Variants in MIPOL1 observed in about 807,000 individuals in gnomAD.
MIPOL1 encodes the protein mirror-image polydactyly gene 1 protein.
In MIPOL1, 57 loss-of-function variants were observed where a neutral mutation model predicts 60.9. The ratio of observed to expected loss-of-function variants is 0.94; its 90% CI spans 0.76 to 1.17. The LOEUF is 1.17. Ranked by LOEUF, MIPOL1 falls within the 50% of genes most tolerant of loss-of-function variation. MIPOL1 has a pLI of 0.00. For missense variants in MIPOL1, 551 were observed against 511.6 expected, an observed-to-expected ratio of 1.08 and a Z score of -0.74; for synonymous variants, 179 against 168.8, an observed-to-expected ratio of 1.06 and a Z score of -0.47.
At chr14:37,394,469 G>T (rs1355968678) in intron 10 of MIPOL1, among the ~76,000 whole-genome samples, 8 of 151,992 alleles carry the variant, frequency 5.3e-5, no homozygotes, top group African/African-American at 1.7e-4. Flanking sequence ...GCAGGAGTCA[G>T]GTGGTATTGC....
At chr14:37,385,685 A>C (rs966346769) in intron 10 of MIPOL1, 15 of 152,090 alleles carry the variant, frequency 9.9e-5, no homozygotes, top group African/African-American at 3.6e-4. Flanking sequence ...TGATTTATAT[A>C]ATCTATACAT....
At chr14:37,223,210 T>C (rs1000952772) in intron 1 of MIPOL1, among the ~76,000 whole-genome samples, 2 of 151,886 alleles carry the variant, frequency 1.3e-5, no homozygotes, top group Admixed American at 1.3e-4. Context: ...TTTTTCTATT[T>C]TTTGTAGACC....
chr14:37,488,979 T>C (rs1566701046), intron 11 of MIPOL1, among the ~76,000 whole-genome samples: 1 of 152,208 alleles, frequency 6.6e-6, no homozygotes, highest in Non-Finnish European at 1.5e-5. Context: ...ATTTGAATGT[T>C]GGACTGTCTT....
chr14:37,407,435 C>A (rs376328526), intron 10 of MIPOL1, among the ~76,000 whole-genome samples: 1 of 152,222 alleles, frequency 6.6e-6, no homozygotes, highest in East Asian at 1.9e-4. Flanking sequence ...AGGAATATTT[C>A]AATTTCTATT....
chr14:37,509,118 TA>T (rs1265868837), intron 12 of MIPOL1, among the ~76,000 whole-genome samples: 2 of 152,100 alleles, frequency 1.3e-5, no homozygotes, highest in Non-Finnish European at 2.9e-5. Flanking sequence ...TCTATTTCCT[TA>T]AGCTTCAACT....
chr14:37,473,958 A>T (rs2094727287), intron 11 of MIPOL1, among the ~76,000 whole-genome samples: 1 of 152,146 alleles, frequency 6.6e-6, no homozygotes, highest in South Asian at 2.1e-4. Context: ...GCAACTACTG[A>T]TCTTTTTAAT....
chr14:37,366,711 C>CTTTA (rs2092481815), intron 9 of MIPOL1, among the ~76,000 whole-genome samples: 2 of 151,860 alleles, frequency 1.3e-5, no homozygotes, highest in African/African-American at 4.8e-5. Context: ...TGTTGATTTT[C>CTTTA]TTTATGGAAA....
chr14:37,490,862 A>C (rs932025395), intron 11 of MIPOL1, among the ~76,000 whole-genome samples: 1 of 152,112 alleles, frequency 6.6e-6, no homozygotes, highest in Non-Finnish European at 1.5e-5. Flanking sequence ...CGTTGATCTC[A>C]CTGGGAGCTG....
chr14:37,397,681 G>C (rs560904098), intron 10 of MIPOL1, among the ~76,000 whole-genome samples: 1 of 152,214 alleles, frequency 6.6e-6, no homozygotes, highest in African/African-American at 2.4e-5. Flanking sequence ...GAGGTTCCCA[G>C]GTCAATGGAG....
At chr14:37,200,844 CTATCTA>C (rs1282000767) in intron 1 of MIPOL1, among the ~76,000 whole-genome samples, 24 of 119,170 alleles carry the variant, frequency 2.0e-4, no homozygotes, top group African/African-American at 6.9e-4. Context: ...AATACTATAT[CTATCTA>C]TGTGTGTGTG....
intron 10 of MIPOL1, among the ~76,000 whole-genome samples, chr14:37,371,849 C>T (rs1022508102): frequency 7.2e-5 from 11 of 151,934 alleles, no homozygotes; most frequent in African/African-American, 2.7e-4. Context: ...CACTATGTAC[C>T]TTTAAGTTGT....
intron 7 of MIPOL1, among the ~76,000 whole-genome samples, chr14:37,298,727 G>T (rs936768891): frequency 6.6e-6 from 1 of 152,002 alleles, no homozygotes; most frequent in Admixed American, 6.5e-5. Context: ...TCAGATAAAT[G>T]CAAATCAAAA....
intron 9 of MIPOL1, among the ~76,000 whole-genome samples, chr14:37,347,414 T>A (rs934341127): frequency 6.6e-6 from 1 of 152,172 alleles, no homozygotes; most frequent in Non-Finnish European, 1.5e-5. Context: ...TCAAGAATCT[T>A]GAATCACTAA....
At chr14:37,337,699 T>C (rs1273635675) in intron 9 of MIPOL1, among the ~76,000 whole-genome samples, 4 of 152,016 alleles carry the variant, frequency 2.6e-5, no homozygotes, top group African/African-American at 9.7e-5. Flanking sequence ...ATGTCTATTG[T>C]GATTCTTTCC....
chr14:37,270,208 T>C (rs995015875), intron 5 of MIPOL1, among the ~76,000 whole-genome samples: 1 of 152,144 alleles, frequency 6.6e-6, no homozygotes, highest in Non-Finnish European at 1.5e-5. Flanking sequence ...ATAAATTAAG[T>C]GTATATTGGG....
rs190637934 is a variant in MIPOL1 at position 37,255,087 on chromosome 14, A to G, written c.19+7180A>G. On this transcript the variant is annotated intron_variant, in intron 3 of 12. Coordinates refer to ENST00000684589, the MANE Select transcript of MIPOL1 (RefSeq NM_001388067.1). ...GGTTCTGAACAAATCTTTGCTAAAA[A>G]TCCTCATTTATTTCTGGTTATGGCC... Among the ~76,000 whole-genome samples the G allele has an allele frequency of 3.0e-3, 463 of 151,896 alleles. 3 individuals carry two copies. The highest frequency in any genetic ancestry group is 9.6e-3 in the African/African-American group (397 of 41,512).
At chr14:37,384,467 A>C (rs1426501035) in intron 10 of MIPOL1, among the ~76,000 whole-genome samples, 1 of 151,882 alleles carries the variant, frequency 6.6e-6, no homozygotes, top group Non-Finnish European at 1.5e-5. Context: ...TTATTTAAAA[A>C]GGCAGACATC....
At chr14:37,529,463 G>T (rs529205000) in intron 12 of MIPOL1, among the ~76,000 whole-genome samples, 2 of 152,096 alleles carry the variant, frequency 1.3e-5, no homozygotes, top group Admixed American at 6.5e-5. Flanking sequence ...TTTGGAGAGG[G>T]TTCAAGTGCC....
chr14:37,467,100 A>G (rs1232827185), intron 11 of MIPOL1, among the ~76,000 whole-genome samples: 1 of 152,214 alleles, frequency 6.6e-6, no homozygotes, highest in African/African-American at 2.4e-5. Context: ...ACATTATCAG[A>G]CTGCAAAGAA....
Sources: allele counts gnomAD v4.1 joint callset (sites outside exome capture counted in the v4.1 genomes callset), GRCh38; gene constraint gnomAD v4.1.1; transcripts MANE v1.5; gene names NCBI Gene and HGNC (gene_info 2026-07-23, HGNC 2026-07-21).